CDC25A: variants seen among roughly 807,000 people sequenced by gnomAD.
The protein encoded by CDC25A is M-phase inducer phosphatase 1.
Under a neutral mutation model 64.6 loss-of-function variants are expected in CDC25A, and 17 were observed. The observed-to-expected ratio is 0.26, with a 90% confidence interval of 0.18 to 0.39. The LOEUF is 0.39. Ranked by LOEUF, CDC25A falls within the 10% of genes least tolerant of loss-of-function variation. The pLI is 1.00. For missense variants in CDC25A, 473 were observed against 654.8 expected (o/e 0.72, Z 3.03); for synonymous variants, 229 against 238.6 (o/e 0.96, Z 0.37).
intron 5 of CDC25A, chr3:48,181,494 A>AAG: frequency 1.1e-6 from 1 of 886,942 alleles, no homozygotes; most frequent in Non-Finnish European, 1.9e-6. Context: ...TGGGTGGCTG[A>AAG]GTTCCCCGTT....
chr3:48,181,236 G>C (rs2032656079), intron 5 of CDC25A, among the ~76,000 whole-genome samples: 1 of 150,850 alleles, frequency 6.6e-6, no homozygotes. Flanking sequence ...CTACCAACTG[G>C]AGATAATTTT....
intron 6 of CDC25A, among the ~76,000 whole-genome samples, chr3:48,178,501 T>G (rs1259582131): frequency 6.6e-6 from 1 of 152,240 alleles, no homozygotes; most frequent in Non-Finnish European, 1.5e-5. Context: ...AAATGCTCAG[T>G]TTTTAAACGA....
At position 48,165,896 on chromosome 3, in the gene CDC25A, T is replaced by C. The variant is rs1479818504; in HGVS notation, c.1030-3A>G. On this transcript the variant is annotated splice_polypyrimidine_tract_variant and splice_region_variant and intron_variant, in intron 10 of 14. Transcript: ENST00000302506. ...GCAACTGTATGAAAGAGATAACCCT[T>C]AAAAAGAAAAAAAGATACTTAGAGA... 1 of 1,557,268 alleles carries C rather than the reference T, an allele frequency of 6.4e-7. No homozygotes were observed. Among genetic ancestry groups the C allele is most frequent in the Non-Finnish European group, 8.9e-7 (1 of 1,129,468 alleles).
In CDC25A at chr3:48,180,855, T is replaced by C. The variant is rs369740191; in HGVS notation, c.430-15A>G. 51 of 1,613,562 alleles carry C rather than the reference T, an allele frequency of 3.2e-5. No homozygotes were observed. Among genetic ancestry groups the C allele is most frequent in the Non-Finnish European group, 4.1e-5 (48 of 1,179,848 alleles). ...TCAAAGGCTTCCTGCAAGACATAGT[T>C]GAGACATCTACTGTCCATGAAAACC... is the stretch of plus-strand genomic sequence containing the variant. On this transcript the variant is annotated splice_polypyrimidine_tract_variant and intron_variant, in intron 5 of 14. Transcript: ENST00000302506.
At chr3:48,182,119 T>C (rs2032692158) in intron 5 of CDC25A, among the ~76,000 whole-genome samples, 1 of 152,184 alleles carries the variant, frequency 6.6e-6, no homozygotes, top group African/African-American at 2.4e-5. Flanking sequence ...CACTAGAGGC[T>C]GATACACTGT....
chr3:48,184,572 G>A, intron 3 of CDC25A, 81 bp downstream of exon 3: 1 of 939,588 alleles, frequency 1.1e-6, no homozygotes, highest in Non-Finnish European at 1.7e-6. Flanking sequence ...TCCAGTGTAT[G>A]AAGAACTTCA....
At position 48,188,227 on chromosome 3, in the gene CDC25A, A is replaced by C; in HGVS notation, c.-280T>G. 2.0e-5 allele frequency: 6 copies of C among 294,286 alleles called. No individual in the cohort carries two copies. Among genetic ancestry groups the C allele is most frequent in the Non-Finnish European group, 3.1e-5 (5 of 160,400 alleles). 18.2% of individuals were successfully genotyped at this position (294,286 alleles called of 1,614,324 possible). A position where few individuals can be genotyped will look rare whatever the true frequency, so the allele number is the denominator to read the frequency against. ...CGGGCGCCGGCAACCTGAAGATTAA[A>C]TCCAAACAAACGTGGCGGGTCGGCA... On this transcript the variant is annotated 5_prime_UTR_variant, in exon 1 of 15. Coordinates refer to ENST00000302506, the MANE Select transcript of CDC25A (RefSeq NM_001789.3).
At chr3:48,177,556 T>A in intron 7 of CDC25A, 114 bp from the exon 8 acceptor site, 1 of 802,990 alleles carries the variant, frequency 1.2e-6, no homozygotes, top group African/African-American at 1.7e-5. Flanking sequence ...ATAGGAAGTA[T>A]CCTTAATGTA....
intron 13 of CDC25A, among the ~76,000 whole-genome samples, chr3:48,160,324 T>C (rs894459967): frequency 6.6e-5 from 10 of 151,980 alleles, no homozygotes; most frequent in African/African-American, 2.4e-4. Context: ...TTGGCCAGGA[T>C]GGTCTCGACC....
chr3:48,165,937 T>C, intron 10 of CDC25A, 44 bp from the exon 11 acceptor site: 5 of 1,269,660 alleles, frequency 3.9e-6, no homozygotes, highest in Non-Finnish European at 4.6e-6. Context: ...AAAGCCTATA[T>C]ATTATTCACA....
intron 8 of CDC25A, among the ~76,000 whole-genome samples, chr3:48,176,025 G>A (rs148716261): frequency 1.8e-3 from 276 of 152,184 alleles, no homozygotes; most frequent in African/African-American, 6.0e-3. Context: ...AAAATTAGCC[G>A]GGAGTGGTGG....
rs1176296328 is a variant in CDC25A at position 48,159,280 on chromosome 3, C to G, written c.1434+64G>C. On this transcript the variant is annotated intron_variant, in intron 14 of 14. Transcript: ENST00000302506. ...TGGAAAGAAAGTCATGACCACCAGA[C>G]AGATCCATTAGTCTACCACTGGGGG... is the stretch of plus-strand genomic sequence containing the variant. 6.7e-6 allele frequency: 9 copies of G among 1,349,830 alleles called. No individual in the cohort carries two copies. In the East Asian group the frequency reaches 1.1e-4, roughly 17 times the overall value. 83.6% of individuals were successfully genotyped at this position (1,349,830 alleles called of 1,614,324 possible).
In CDC25A at chr3:48,164,406, A is replaced by G. The variant is rs1259212402; in HGVS notation, c.1223T>C (p.Val408Ala). ...GGGCTTCTTCAATAAGAAGTCTTCA[A>G]CCTCTTCTTCCATGTGCAAGTTCAC... ...GAVNLHMEEE[V>A]EDFLLKKPIV... Residue 408 changes from valine to alanine, a missense_variant, in exon 13 of 15, where the codon GTT becomes GCT. Val to Ala is a moderately conservative substitution (Grantham distance 64). Coordinates refer to ENST00000302506, the MANE Select transcript of CDC25A (RefSeq NM_001789.3). 6.3e-7 allele frequency: 1 copy of G among 1,597,816 alleles called. No individual in the cohort carries two copies. Among genetic ancestry groups the G allele is most frequent in the South Asian group, 1.1e-5 (1 of 88,054 alleles).
In CDC25A at chr3:48,187,887, G is replaced by T; in HGVS notation, c.61C>A (p.Pro21Thr). Residue 21 changes from proline (P) to threonine (T), a missense_variant, in exon 1 of 15, where the codon CCC becomes ACC. By Grantham distance (38) the Pro-to-Thr change is conservative (BLOSUM62 -1). Transcript: ENST00000302506. ...GCCTTCACGACGGGCTGCGACGCGG[G>T]AGGGGGGCTGCAGGCGAAGAGCAGG... Reference protein sequence around the residue: ...RRLLFACSPPPASQPVVKALF... With the variant: ...RRLLFACSPPTASQPVVKALF... 6.5e-7 allele frequency: 1 copy of T among 1,545,938 alleles called. No individual in the cohort carries two copies. Among genetic ancestry groups the T allele is most frequent in the East Asian group, 2.5e-5 (1 of 40,370 alleles).
chr3:48,175,385 C>T (rs551704907), intron 8 of CDC25A, among the ~76,000 whole-genome samples: 7 of 152,322 alleles, frequency 4.6e-5, no homozygotes, highest in Middle Eastern at 3.4e-3. Context: ...GCTCTCTAAA[C>T]GCATCTCAGC....
rs1273421557 is a variant in CDC25A, at chr3:48,158,266, G to C, written c.*679C>G. The C allele has an allele frequency of 6.6e-6, 1 of 152,534 alleles. No individual in the cohort carries two copies. The highest frequency in any genetic ancestry group is 2.4e-5 in the African/African-American group (1 of 41,416). The allele number at this position is 152,534 out of a possible 1,614,324, so 9.4% of individuals were successfully genotyped here. A position where few individuals can be genotyped will look rare whatever the true frequency, so the allele number is the denominator to read the frequency against. ...AGGACCTCAGTTCTTGGCTTAAATA[G>C]CAGCAGCCCCAGTACCACAGCGCCT... On this transcript the variant is annotated 3_prime_UTR_variant, in exon 15 of 15. Transcript: ENST00000302506.
Position 48,186,787 on chromosome 3 carries a change from C to G in CDC25A, c.171-8G>C. 6.4e-7 allele frequency: 1 copy of G among 1,563,934 alleles called. No individual in the cohort carries two copies. Among genetic ancestry groups the G allele is most frequent in the Non-Finnish European group, 8.8e-7 (1 of 1,140,906 alleles). ...AGTGGTTGCTCATAATCACTGAAACCAACAGAAATAAACCATGAATGATTT... is the reference window on the plus strand; with the variant it reads ...AGTGGTTGCTCATAATCACTGAAACGAACAGAAATAAACCATGAATGATTT... On this transcript the variant is annotated splice_polypyrimidine_tract_variant and splice_region_variant and intron_variant, in intron 1 of 14. Coordinates refer to ENST00000302506, the MANE Select transcript of CDC25A (RefSeq NM_001789.3).
intron 8 of CDC25A, 21 bp from the exon 9 acceptor site, chr3:48,174,478 C>G: frequency 6.3e-7 from 1 of 1,596,414 alleles, no homozygotes; most frequent in South Asian, 1.1e-5. Context: ...AAAAAACAGA[C>G]AGACCCATCT....
At chr3:48,177,517 T>A in intron 7 of CDC25A, 75 bp from the exon 8 acceptor site, 2 of 1,137,306 alleles carry the variant, frequency 1.8e-6, no homozygotes, top group Non-Finnish European at 2.7e-6. Context: ...TAGGTGTGTT[T>A]CTCCCTGAAC....
Sources: allele counts gnomAD v4.1 joint callset (sites outside exome capture counted in the v4.1 genomes callset), GRCh38; gene constraint gnomAD v4.1.1; transcripts MANE v1.5; gene names NCBI Gene and HGNC (gene_info 2026-07-23, HGNC 2026-07-21).